GLP2R: variants seen among roughly 807,000 people sequenced by gnomAD.
The protein encoded by GLP2R is glucagon like peptide 2 receptor.
GLP2R carries 59 observed loss-of-function variants against 68.2 expected under a neutral mutation model. The ratio of observed to expected loss-of-function variants is 0.87; its 90% CI spans 0.70 to 1.07. The LOEUF is 1.07. Among genes scored for constraint, GLP2R ranks in the 50% least tolerant of loss-of-function variants. GLP2R has a pLI of 0.00. For missense variants in GLP2R, 548 were observed against 677.4 expected (o/e 0.81, Z 2.12); for synonymous variants, 270 against 265.4 (o/e 1.02, Z -0.17).
intron 9 of GLP2R, among the ~76,000 whole-genome samples, chr17:9,865,182 C>A (rs1206189962): frequency 2.0e-5 from 3 of 152,052 alleles, no homozygotes; most frequent in Non-Finnish European, 4.4e-5. Flanking sequence ...GTTCTCCTAA[C>A]TTCTGTCCTC....
At chr17:9,846,372 T>C (rs961010725) in intron 4 of GLP2R, among the ~76,000 whole-genome samples, 4 of 152,030 alleles carry the variant, frequency 2.6e-5, no homozygotes, top group African/African-American at 9.7e-5. Flanking sequence ...TCCCAGCGCT[T>C]TGGGAAGCTG....
intron 1 of GLP2R, among the ~76,000 whole-genome samples, chr17:9,829,887 A>G (rs1430653711): frequency 1.3e-5 from 2 of 152,250 alleles, no homozygotes; most frequent in African/African-American, 4.8e-5. Context: ...ATTTATTTAA[A>G]GAGAGTCAGT....
In GLP2R at chr17:9,826,334, G is replaced by A; in HGVS notation, c.189+82G>A. On this transcript the variant is annotated intron_variant, in intron 1 of 12. Coordinates refer to ENST00000262441, the MANE Select transcript of GLP2R (RefSeq NM_004246.3). ...AAGAAGCAATTTAGGCCTCATGTAA[G>A]CAATTTGGAAAAGAGAAAACAGTAT... 5 of 903,888 alleles carry A rather than the reference G, an allele frequency of 5.5e-6. No individual in the cohort carries two copies. The South Asian group carries it at 8.2e-5, about 15-fold the overall frequency. The allele number at this position is 903,888 out of a possible 1,614,324, so 56.0% of individuals were successfully genotyped here. A position where few individuals can be genotyped will look rare whatever the true frequency, so the allele number is the denominator to read the frequency against.
chr17:9,883,366 T>C (rs2067213707), intron 11 of GLP2R, among the ~76,000 whole-genome samples: 1 of 150,964 alleles, frequency 6.6e-6, no homozygotes, highest in Admixed American at 6.6e-5. Context: ...ACCTGTGGAA[T>C]GCCATCAAGC....
chr17:9,849,161 T>C (rs2152036279), intron 4 of GLP2R, among the ~76,000 whole-genome samples: 1 of 151,962 alleles, frequency 6.6e-6, no homozygotes, highest in East Asian at 1.9e-4. Context: ...ACATTTTATT[T>C]TGAAATATTG....
chr17:9,876,442 A>G (rs57688775), intron 10 of GLP2R, among the ~76,000 whole-genome samples: 4,951 of 152,304 alleles, frequency 0.033, 264 homozygotes, highest in African/African-American at 0.11. Context: ...CACAGTGGAC[A>G]GTCATGGGGG....
chr17:9,827,457 T>G (rs987398948), intron 1 of GLP2R, among the ~76,000 whole-genome samples: 2 of 152,156 alleles, frequency 1.3e-5, no homozygotes, highest in East Asian at 3.9e-4. Context: ...TGTAGATCCA[T>G]GGTATAATAT....
At chr17:9,861,871 C>T in intron 8 of GLP2R, 150 bp from the exon 9 acceptor site, 1 of 664,046 alleles carries the variant, frequency 1.5e-6, no homozygotes, top group African/African-American at 1.8e-5. Flanking sequence ...TTTGGGTTCT[C>T]TCTTCTGCCT....
intron 3 of GLP2R, among the ~76,000 whole-genome samples, chr17:9,839,851 A>C (rs1181152396): frequency 6.6e-6 from 1 of 152,068 alleles, no homozygotes; most frequent in Admixed American, 6.6e-5. Flanking sequence ...AGGCCTCCTC[A>C]CAGGCTCTGG....
chr17:9,879,105 T>G (rs1417625112), intron 10 of GLP2R, among the ~76,000 whole-genome samples: 1 of 151,754 alleles, frequency 6.6e-6, no homozygotes, highest in Non-Finnish European at 1.5e-5. Context: ...TCAGGATCCA[T>G]GAGGAGTTCC....
intron 11 of GLP2R, among the ~76,000 whole-genome samples, chr17:9,881,229 G>C (rs1354504525): frequency 1.3e-5 from 2 of 152,098 alleles, no homozygotes; most frequent in African/African-American, 4.8e-5. Flanking sequence ...AATAGCTGAG[G>C]CTAGTCTTAT....
At chr17:9,872,177 C>T (rs554419386) in intron 10 of GLP2R, among the ~76,000 whole-genome samples, 4 of 152,378 alleles carry the variant, frequency 2.6e-5, no homozygotes, top group African/African-American at 7.2e-5. Context: ...CTGTTTCTCT[C>T]CCCTTTATAA....
At chr17:9,869,729 A>G (rs1295360435) in intron 9 of GLP2R, among the ~76,000 whole-genome samples, 1 of 151,430 alleles carries the variant, frequency 6.6e-6, no homozygotes, top group Non-Finnish European at 1.5e-5. Context: ...TGAGAAACCT[A>G]AGAGAGAGAG....
Position 9,881,508 on chromosome 17 carries a change from G to A in GLP2R, c.1284+992G>A, listed in dbSNP as rs942027412. On this transcript the variant is annotated intron_variant, in intron 11 of 12. Transcript: ENST00000262441. ...CCATTCTCCTGCCTCAGCCTCCCAA[G>A]TAGCTGGGACTACAGGCGCCCGCCA... Among the ~76,000 whole-genome samples the A allele has an allele frequency of 2.1e-5, 3 of 143,116 alleles. No individual in the cohort carries two copies. In the South Asian group the frequency reaches 6.4e-4, roughly 30 times the overall value. The allele number at this position is 143,116 out of a possible 152,430, so 93.9% of individuals were successfully genotyped here.
intron 11 of GLP2R, among the ~76,000 whole-genome samples, chr17:9,884,678 A>G (rs2067226368): frequency 6.7e-6 from 1 of 150,168 alleles, no homozygotes; most frequent in African/African-American, 2.5e-5. Context: ...GAGCAGTTGG[A>G]CAATATTTTT....
In GLP2R at chr17:9,842,500, T is replaced by A; in HGVS notation, c.388T>A (p.Ser130Thr). 6.2e-7 allele frequency: 1 copy of A among 1,614,024 alleles called. No individual in the cohort carries two copies. The highest frequency in any genetic ancestry group is 8.5e-7 in the Non-Finnish European group (1 of 1,179,986). ...SYLPWWSEES[S>T]GRAYRHCLAQ... Reference sequence around the variant, plus strand: ...AGAGCTTTGTTTACTTTCAGAGAGCTCAGGAAGGGCCTACAGACACTGCTT... The same window carrying A: ...AGAGCTTTGTTTACTTTCAGAGAGCACAGGAAGGGCCTACAGACACTGCTT... The change falls in exon 4 of 13, where the codon TCA becomes ACA. Residue 130 changes from serine (S) to threonine (T), a missense_variant. Ser to Thr is a moderately conservative substitution (Grantham distance 58, BLOSUM62 1). Coordinates refer to ENST00000262441, the MANE Select transcript of GLP2R (RefSeq NM_004246.3).
chr17:9,857,639 G>A (rs2066946713), intron 6 of GLP2R, 63 bp downstream of exon 6: 2 of 1,533,682 alleles, frequency 1.3e-6, no homozygotes, highest in African/African-American at 2.7e-5. Context: ...CTGGGAATCA[G>A]AAGGCAGGCA....
chr17:9,878,934 T>TAA (rs912901642), intron 10 of GLP2R, among the ~76,000 whole-genome samples: 2 of 148,836 alleles, frequency 1.3e-5, no homozygotes, highest in African/African-American at 2.5e-5. Context: ...TGACCTAAGC[T>TAA]AAAAAAAAAA....
At chr17:9,871,890 A>G (rs2067097898) in intron 10 of GLP2R, among the ~76,000 whole-genome samples, 1 of 151,868 alleles carries the variant, frequency 6.6e-6, no homozygotes, top group South Asian at 2.1e-4. Flanking sequence ...ACGTCCGGCT[A>G]ATTTTTGTAT....
Sources: gnomAD v4.1 joint callset for allele counts (sites outside exome capture counted in the v4.1 genomes callset) on GRCh38, gnomAD v4.1.1 for gene constraint, MANE v1.5 for transcripts, NCBI Gene and HGNC (gene_info 2026-07-23, HGNC 2026-07-21) for gene names.